The following ANKRD11 variants were observed in gnomAD, a reference collection of about 807,000 sequenced individuals.
ANKRD11 encodes ankyrin repeat domain 11, also known as ankyrin repeat domain-containing protein 11.
ANKRD11 carries 17 observed loss-of-function variants against 195.7 expected under a neutral mutation model. That is an observed-to-expected ratio of 0.09 (90% CI 0.06 to 0.13). ANKRD11 has a LOEUF of 0.13. Ranked by LOEUF, ANKRD11 falls within the 10% of genes least tolerant of loss-of-function variation. The pLI, the probability that ANKRD11 is intolerant of heterozygous loss-of-function variation, is 1.00. For missense variants in ANKRD11, 3,735 were observed against 3,566.1 expected (o/e 1.05, Z -1.21); for synonymous variants, 1,953 against 1,528.1 (o/e 1.28, Z -6.49).
At chr16:89,404,203 T>C (rs968042110) in intron 2 of ANKRD11, among the ~76,000 whole-genome samples, 9 of 152,024 alleles carry the variant, frequency 5.9e-5, no homozygotes, top group Non-Finnish European at 1.0e-4. Flanking sequence ...CAGCATGGGG[T>C]TGAGAGGGGA....
chr16:89,420,723 A>AT (rs1301429215), intron 1 of ANKRD11, among the ~76,000 whole-genome samples: 6 of 152,080 alleles, frequency 3.9e-5, no homozygotes, highest in South Asian at 2.1e-4. Flanking sequence ...AACATTACAG[A>AT]TTTTTCTTAA....
At chr16:89,345,876 A>G (rs991963906) in intron 2 of ANKRD11, among the ~76,000 whole-genome samples, 2 of 152,216 alleles carry the variant, frequency 1.3e-5, no homozygotes, top group African/African-American at 2.4e-5. Flanking sequence ...TAATATGGCA[A>G]AAAGTTCCTT....
intron 3 of ANKRD11, among the ~76,000 whole-genome samples, chr16:89,311,739 T>C (rs149988680): frequency 0.012 from 1,883 of 152,156 alleles, 43 homozygotes; most frequent in African/African-American, 0.043. Flanking sequence ...ATCTTGGGAG[T>C]TGGGCAAGAG....
chr16:89,326,160 T>C (rs964645766), intron 2 of ANKRD11, among the ~76,000 whole-genome samples: 13 of 152,202 alleles, frequency 8.5e-5, no homozygotes, highest in African/African-American at 2.9e-4. Context: ...AAGGTACAAT[T>C]GCACAGCTAA....
chr16:89,367,753 C>T (rs561182587), intron 2 of ANKRD11, among the ~76,000 whole-genome samples: 1 of 152,320 alleles, frequency 6.6e-6, no homozygotes, highest in East Asian at 1.9e-4. Flanking sequence ...CCCCCAGCGG[C>T]TGCATGTCCA....
intron 2 of ANKRD11, among the ~76,000 whole-genome samples, chr16:89,338,972 C>T (rs1395306765): frequency 6.6e-6 from 1 of 152,092 alleles, no homozygotes; most frequent in Non-Finnish European, 1.5e-5. Flanking sequence ...ACTCCTTTCC[C>T]TCAAAGTCAC....
At chr16:89,290,526 AGGCTC>A in intron 6 of ANKRD11, 94 bp downstream of exon 6, 1 of 1,127,410 alleles carries the variant, frequency 8.9e-7, no homozygotes. Context: ...CAATGGGGGG[AGGCTC>A]AGGGCTCCAA....
chr16:89,271,237 AC>A, intron 11 of ANKRD11: 1 of 295,644 alleles, frequency 3.4e-6, no homozygotes. Flanking sequence ...CCTGGGAGAG[AC>A]TTTTTTTTTT....
At chr16:89,382,780 T>G (rs180998749) in intron 2 of ANKRD11, among the ~76,000 whole-genome samples, 175 of 152,314 alleles carry the variant, frequency 1.1e-3, no homozygotes, top group African/African-American at 3.7e-3. Context: ...TGTGTTCAGC[T>G]GAAATAAACG....
intron 1 of ANKRD11, among the ~76,000 whole-genome samples, chr16:89,432,431 G>A (rs1567797447): frequency 6.6e-6 from 1 of 151,992 alleles, no homozygotes; most frequent in Non-Finnish European, 1.5e-5. Flanking sequence ...ACTGTGTTGA[G>A]GGGTGCTGTC....
chr16:89,296,457 T>G (rs2035443184), intron 4 of ANKRD11, among the ~76,000 whole-genome samples: 1 of 152,220 alleles, frequency 6.6e-6, no homozygotes, highest in East Asian at 1.9e-4. Flanking sequence ...TTGTTAGAAC[T>G]TCCAATTCAC....
intron 2 of ANKRD11, among the ~76,000 whole-genome samples, chr16:89,349,825 A>G (rs1597740397): frequency 6.6e-6 from 1 of 151,384 alleles, no homozygotes; most frequent in Non-Finnish European, 1.5e-5. Flanking sequence ...TAAAGACACT[A>G]TTAAGAAATA....
intron 1 of ANKRD11, among the ~76,000 whole-genome samples, chr16:89,486,881 T>C (rs2057632509): frequency 6.6e-6 from 1 of 151,194 alleles, no homozygotes; most frequent in African/African-American, 2.4e-5. Flanking sequence ...TGGTAGGAGG[T>C]GTCTGTAATC....
At chr16:89,482,332 G>C (rs1160084378) in intron 1 of ANKRD11, among the ~76,000 whole-genome samples, 4 of 152,116 alleles carry the variant, frequency 2.6e-5, no homozygotes, top group South Asian at 2.1e-4. Flanking sequence ...CAGTCACAAA[G>C]ACATAAAAAA....
intron 1 of ANKRD11, among the ~76,000 whole-genome samples, chr16:89,439,744 C>A (rs1211029701): frequency 1.3e-5 from 2 of 152,234 alleles, no homozygotes; most frequent in Non-Finnish European, 2.9e-5. Context: ...ATCTACACCA[C>A]TGACACACAA....
intron 6 of ANKRD11, among the ~76,000 whole-genome samples, chr16:89,290,017 G>A (rs1015859997): frequency 1.3e-5 from 2 of 152,228 alleles, no homozygotes; most frequent in African/African-American, 2.4e-5. Flanking sequence ...GCAACAGAGC[G>A]AGACCCTATC....
At chr16:89,384,038 G>A (rs1374755100) in intron 2 of ANKRD11, among the ~76,000 whole-genome samples, 1 of 152,156 alleles carries the variant, frequency 6.6e-6, no homozygotes, top group East Asian at 1.9e-4. Context: ...TGGCCAACAT[G>A]GCAAAACCCT....
intron 2 of ANKRD11, among the ~76,000 whole-genome samples, chr16:89,354,808 A>T (rs990358439): frequency 6.6e-6 from 1 of 151,990 alleles, no homozygotes; most frequent in African/African-American, 2.4e-5. Context: ...AATCGCTTGA[A>T]CCCAGGAGGC....
intron 2 of ANKRD11, among the ~76,000 whole-genome samples, chr16:89,359,472 C>A (rs147334881): frequency 6.6e-6 from 1 of 152,338 alleles, no homozygotes; most frequent in Non-Finnish European, 1.5e-5. Flanking sequence ...AGCCCCTCGG[C>A]CCCCACTGCT....
Sources: gnomAD v4.1 joint callset for allele counts (sites outside exome capture counted in the v4.1 genomes callset) on GRCh38, gnomAD v4.1.1 for gene constraint, MANE v1.5 for transcripts, NCBI Gene and HGNC (gene_info 2026-07-23, HGNC 2026-07-21) for gene names.